MTUS2: variants seen among roughly 807,000 people sequenced by gnomAD.
MTUS2 encodes the protein microtubule-associated tumor suppressor candidate 2.
A neutral mutation model predicts 114.1 loss-of-function variants in MTUS2; 40 were observed. The observed-to-expected ratio is 0.35, with a 90% CI of 0.27 to 0.46. The LOEUF (loss-of-function observed/expected upper bound fraction) is 0.46. MTUS2 is among the 20% of genes least tolerant of loss of function. The pLI, the probability that MTUS2 is intolerant of heterozygous loss-of-function variation, is 1.00. For synonymous variants in MTUS2, 688 were observed against 672.0 expected (o/e 1.02, Z -0.37); for missense variants, 1,679 against 1,705.4 (o/e 0.98, Z 0.27).
intron 2 of MTUS2, among the ~76,000 whole-genome samples, chr13:28,904,588 G>T (rs1879864228): frequency 6.6e-6 from 1 of 152,022 alleles, no homozygotes; most frequent in South Asian, 2.1e-4. Context: ...ATTTCTGAGG[G>T]CTGTGTTCTG....
At chr13:29,266,682 TCC>T (rs1897678908) in intron 5 of MTUS2, among the ~76,000 whole-genome samples, 1 of 152,234 alleles carries the variant, frequency 6.6e-6, no homozygotes, top group Non-Finnish European at 1.5e-5. Flanking sequence ...GTGACTACAT[TCC>T]CAGGAGCAGT....
chr13:28,950,416 A>C (rs1882751603), intron 2 of MTUS2, among the ~76,000 whole-genome samples: 1 of 152,222 alleles, frequency 6.6e-6, no homozygotes, highest in Admixed American at 6.5e-5. Context: ...CACTATGTTA[A>C]TGACAATTTT....
At chr13:29,322,391 A>G (rs1900290821) in intron 6 of MTUS2, among the ~76,000 whole-genome samples, 1 of 152,172 alleles carries the variant, frequency 6.6e-6, no homozygotes, top group Admixed American at 6.5e-5. Context: ...AGCAGAGTGC[A>G]GTGGCTGGGC....
At chr13:29,094,840 A>G (rs942203811) in intron 4 of MTUS2, among the ~76,000 whole-genome samples, 10 of 151,958 alleles carry the variant, frequency 6.6e-5, no homozygotes, top group African/African-American at 2.2e-4. Flanking sequence ...CCTTTTAAGC[A>G]TTGCTTTAGC....
At chr13:29,083,234 C>T (rs987108549) in intron 4 of MTUS2, among the ~76,000 whole-genome samples, 1 of 152,182 alleles carries the variant, frequency 6.6e-6, no homozygotes, top group Non-Finnish European at 1.5e-5. Context: ...CTTCTGTGAA[C>T]TCCTTGGTGA....
At chr13:29,334,492 T>C (rs573186445) in intron 7 of MTUS2, among the ~76,000 whole-genome samples, 110 of 152,354 alleles carry the variant, frequency 7.2e-4, no homozygotes, top group African/African-American at 2.6e-3. Flanking sequence ...TATGAAATTC[T>C]GGAAAATATT....
intron 6 of MTUS2, among the ~76,000 whole-genome samples, chr13:29,290,415 C>T (rs1214880094): frequency 6.6e-6 from 1 of 152,046 alleles, no homozygotes; most frequent in African/African-American, 2.4e-5. Context: ...CTGCAACCTC[C>T]GCCTCCCGGG....
intron 5 of MTUS2, among the ~76,000 whole-genome samples, chr13:29,155,505 T>C (rs1335777647): frequency 6.6e-6 from 1 of 152,154 alleles, no homozygotes; most frequent in Non-Finnish European, 1.5e-5. Flanking sequence ...CATGCCCTCA[T>C]GGGAAGAGCA....
At chr13:29,036,913 G>C (rs1417832863) in intron 4 of MTUS2, among the ~76,000 whole-genome samples, 1 of 151,536 alleles carries the variant, frequency 6.6e-6, no homozygotes, top group Non-Finnish European at 1.5e-5. Context: ...CTTTACACGT[G>C]AGATGGGTCT....
intron 2 of MTUS2, among the ~76,000 whole-genome samples, chr13:28,905,958 C>CA (rs1162886225): frequency 6.6e-6 from 1 of 151,580 alleles, no homozygotes; most frequent in Non-Finnish European, 1.5e-5. Context: ...TTCAGAGATG[C>CA]AACTTCTTCC....
chr13:29,411,429 A>G (rs982917991), intron 8 of MTUS2, among the ~76,000 whole-genome samples: 1 of 152,142 alleles, frequency 6.6e-6, no homozygotes, highest in African/African-American at 2.4e-5. Flanking sequence ...CCACCAGTCT[A>G]TGGTATACAC....
chr13:28,893,319 AGTTCTGGCACATG>A (rs1170101225), intron 2 of MTUS2, among the ~76,000 whole-genome samples: 1 of 151,558 alleles, frequency 6.6e-6, no homozygotes. Context: ...AAGGGAAAGT[AGTTCTGGCACATG>A]GTGCTTTGAC....
chr13:29,074,053 T>A (rs1889070555), intron 4 of MTUS2, among the ~76,000 whole-genome samples: 1 of 152,090 alleles, frequency 6.6e-6, no homozygotes, highest in Non-Finnish European at 1.5e-5. Context: ...CCCAACTGAT[T>A]TCCCTGTCTT....
At chr13:29,353,233 GATA>G (rs1488380460) in intron 7 of MTUS2, among the ~76,000 whole-genome samples, 1 of 152,138 alleles carries the variant, frequency 6.6e-6, no homozygotes, top group Non-Finnish European at 1.5e-5. Flanking sequence ...TCAGTGGCAA[GATA>G]ATATCTCATT....
At chr13:29,424,462 G>A (rs1876357434) in intron 8 of MTUS2, among the ~76,000 whole-genome samples, 1 of 152,084 alleles carries the variant, frequency 6.6e-6, no homozygotes, top group South Asian at 2.1e-4. Context: ...TTATGTTGCA[G>A]TCCCCAGTGA....
At chr13:29,319,039 G>A (rs549213789) in intron 6 of MTUS2, among the ~76,000 whole-genome samples, 1 of 152,262 alleles carries the variant, frequency 6.6e-6, no homozygotes, top group African/African-American at 2.4e-5. Flanking sequence ...TCTGGGGTTT[G>A]TGTACAAACA....
At chr13:29,392,158 AAC>A (rs1468995383) in intron 8 of MTUS2, among the ~76,000 whole-genome samples, 12 of 135,916 alleles carry the variant, frequency 8.8e-5, no homozygotes, top group Non-Finnish European at 1.3e-4. Context: ...AAAAAAAAAA[AAC>A]CAAAAAAACA....
intron 5 of MTUS2, among the ~76,000 whole-genome samples, chr13:29,107,975 G>A (rs1890736734): frequency 6.6e-6 from 1 of 152,142 alleles, no homozygotes; most frequent in African/African-American, 2.4e-5. Flanking sequence ...TAGCCTTTTG[G>A]AAGGTTAATC....
chr13:29,081,134 T>A (rs1889422707), intron 4 of MTUS2, among the ~76,000 whole-genome samples: 1 of 152,156 alleles, frequency 6.6e-6, no homozygotes, highest in Admixed American at 6.6e-5. Context: ...GGAGATTGGC[T>A]TGGAGTTTTT....
Sources: gnomAD v4.1 joint callset for allele counts (sites outside exome capture counted in the v4.1 genomes callset) on GRCh38, gnomAD v4.1.1 for gene constraint, MANE v1.5 for transcripts, NCBI Gene and HGNC (gene_info 2026-07-23, HGNC 2026-07-21) for gene names.